APLNR: variants seen among roughly 807,000 people sequenced by gnomAD.
The protein encoded by APLNR is APJ (apelin) receptor.
In APLNR, 13 loss-of-function variants were observed where a neutral mutation model predicts 23.4. The ratio of observed to expected loss-of-function variants is 0.56; its 90% confidence interval spans 0.36 to 0.88. The LOEUF (loss-of-function observed/expected upper bound fraction) is 0.88. Ranked by LOEUF, APLNR falls within the 40% of genes least tolerant of loss-of-function variation. APLNR has a pLI of 0.01. For synonymous variants in APLNR, 234 were observed against 211.9 expected (o/e 1.10, Z -0.91); for missense variants, 480 against 517.1 (o/e 0.93, Z 0.70).
In APLNR at chr11:57,234,949, C is replaced by T. The variant is rs567175196; in HGVS notation, c.*913G>A. 6.6e-6 allele frequency: 1 copy of T among 152,314 alleles called. No homozygotes were observed. Among genetic ancestry groups the T allele is most frequent in the South Asian group, 2.1e-4 (1 of 4,828 alleles). 9.4% of individuals were successfully genotyped at this position (152,314 alleles called of 1,614,324 possible). On this transcript the variant is annotated 3_prime_UTR_variant, in exon 1 of 1. Coordinates refer to ENST00000606794, the MANE Select transcript of APLNR (RefSeq NM_005161.6). ...GTGTCTGGACTAAATGCAGACACCC[C>T]TCCATCCTCTCTCTCTAGTTGCCCT...
Position 57,236,089 on chromosome 11 carries a change from G to A in APLNR, c.916C>T (p.Pro306Ser), listed in dbSNP as rs749336314. ...CISYVNSCLNPFLYAFFDPRF... is the reference protein window; with the variant it reads ...CISYVNSCLNSFLYAFFDPRF... ...GGGTCGAAAAAGGCATAGAGGAAGG[G>A]GTTGAGGCAGCTGTTGACGTAGCTG... The change falls in exon 1 of 1, where the codon CCC becomes TCC. Residue 306 changes from proline to serine, a missense_variant. By Grantham distance (74) the Pro-to-Ser change is moderately conservative. Coordinates refer to ENST00000606794, the MANE Select transcript of APLNR (RefSeq NM_005161.6). 1.9e-6 allele frequency: 3 copies of A among 1,614,124 alleles called. No individual in the cohort carries two copies. Among genetic ancestry groups the A allele is most frequent in the African/African-American group, 1.3e-5 (1 of 74,948 alleles).
In APLNR at chr11:57,236,106, A is replaced by G; in HGVS notation, c.899T>C (p.Val300Ala). ...IFPYCTCISYVNSCLNPFLYA... is the reference protein window; with the variant it reads ...IFPYCTCISYANSCLNPFLYA... ...GAGGAAGGGGTTGAGGCAGCTGTTGACGTAGCTGATGCAGGTGCAGTAGGG... is the reference window on the plus strand; with the variant it reads ...GAGGAAGGGGTTGAGGCAGCTGTTGGCGTAGCTGATGCAGGTGCAGTAGGG... Residue 300 changes from valine to alanine, a missense_variant, in exon 1 of 1, where the codon GTC becomes GCC. Val to Ala is a moderately conservative substitution (Grantham distance 64). Transcript: ENST00000606794. 1 of 1,614,176 alleles carries G rather than the reference A, an allele frequency of 6.2e-7. No homozygotes were observed. The highest frequency in any genetic ancestry group is 8.5e-7 in the Non-Finnish European group (1 of 1,180,024).
Position 57,237,221 on chromosome 11 carries a change from C to T in APLNR, c.-217G>A. The T allele has an allele frequency of 3.6e-6, 2 of 558,744 alleles. No individual in the cohort carries two copies. Among genetic ancestry groups the T allele is most frequent in the Non-Finnish European group, 6.4e-6 (2 of 312,238 alleles). The allele number at this position is 558,744 out of a possible 1,614,324, so 34.6% of individuals were successfully genotyped here. ...TCTCCTGCAGAATTTCCTCCACCCTCTCTTGCCTTACCCCCGTCTCAGTTA... is the reference window on the plus strand; with the variant it reads ...TCTCCTGCAGAATTTCCTCCACCCTTTCTTGCCTTACCCCCGTCTCAGTTA... On this transcript the variant is annotated 5_prime_UTR_variant, in exon 1 of 1. Coordinates refer to ENST00000606794, the MANE Select transcript of APLNR (RefSeq NM_005161.6).
In APLNR at chr11:57,236,359, T is replaced by C. The variant is rs1354695548; in HGVS notation, c.646A>G (p.Ile216Val). Reference sequence around the variant, plus strand: ...ATGAAGAAGTAACAGGTCAGCATGATGGTGAAGGGCACCACAAAGCCCACG... The same window carrying C: ...ATGAAGAAGTAACAGGTCAGCATGACGGTGAAGGGCACCACAAAGCCCACG... Reference protein sequence around the residue: ...TTVGFVVPFTIMLTCYFFIAQ... With the variant: ...TTVGFVVPFTVMLTCYFFIAQ... The change falls in exon 1 of 1, where the codon ATC (isoleucine) becomes GTC (valine). Residue 216 changes from isoleucine to valine, a missense_variant. Transcript: ENST00000606794. The C allele has an allele frequency of 5.0e-6, 8 of 1,614,096 alleles. No homozygotes were observed. The highest frequency in any genetic ancestry group is 5.9e-6 in the Non-Finnish European group (7 of 1,180,000).
Position 57,237,185 on chromosome 11 carries a change from G to A in APLNR, c.-181C>T, listed in dbSNP as rs78133850. ...CTGCCTCTGGGTTCTCCAGACCCTG[G>A]AGGAAGCCTGTCTCCTGCAGAATTT... On this transcript the variant is annotated 5_prime_UTR_variant, in exon 1 of 1. Coordinates refer to ENST00000606794, the MANE Select transcript of APLNR (RefSeq NM_005161.6). 5.1e-3 allele frequency: 3,149 copies of A among 619,694 alleles called. 87 individuals carry two copies. In the African/African-American group the frequency reaches 0.052, roughly 10 times the overall value. The allele number at this position is 619,694 out of a possible 1,614,324, so 38.4% of individuals were successfully genotyped here. A position where few individuals can be genotyped will look rare whatever the true frequency, so the allele number is the denominator to read the frequency against.
In APLNR at chr11:57,235,911, A is replaced by T. The variant is rs1359961228; in HGVS notation, c.1094T>A (p.Met365Lys). 1.9e-6 allele frequency: 3 copies of T among 1,613,990 alleles called. No individual in the cohort carries two copies. The highest frequency in any genetic ancestry group is 2.2e-5 in the South Asian group (2 of 91,036). Residue 365 changes from methionine to lysine, a missense_variant, in exon 1 of 1, where the codon ATG becomes AAG. By Grantham distance (95) the Met-to-Lys change is moderately conservative. Transcript: ENST00000606794. ...GCTGTAGGGGATGGATTTCTCGTGCATCTGTTCTCCACCCTTGCCCATGTT... is the reference window on the plus strand; with the variant it reads ...GCTGTAGGGGATGGATTTCTCGTGCTTCTGTTCTCCACCCTTGCCCATGTT... ...GPNMGKGGEQ[M>K]HEKSIPYSQE...
Position 57,236,536 on chromosome 11 carries a change from C to T in APLNR, c.469G>A (p.Ala157Thr). Reference sequence around the variant, plus strand: ...ATGACAGGCATGGCCAGGAGGGCGGCCAGCACCCAAAGAACTGCCGTGGCC... The same window carrying T: ...ATGACAGGCATGGCCAGGAGGGCGGTCAGCACCCAAAGAACTGCCGTGGCC... ...AVATAVLWVL[A>T]ALLAMPVMVL... The change falls in exon 1 of 1, where the codon GCC (alanine) becomes ACC (threonine). Residue 157 changes from alanine (A) to threonine (T), a missense_variant. Transcript: ENST00000606794. 6.2e-7 allele frequency: 1 copy of T among 1,614,064 alleles called. No individual in the cohort carries two copies. The highest frequency in any genetic ancestry group is 1.3e-5 in the African/African-American group (1 of 75,052).
At position 57,237,223 on chromosome 11, in the gene APLNR, C is replaced by G. The variant is rs903871326; in HGVS notation, c.-219G>C. On this transcript the variant is annotated 5_prime_UTR_variant, in exon 1 of 1. Coordinates refer to ENST00000606794, the MANE Select transcript of APLNR (RefSeq NM_005161.6). ...TCCTGCAGAATTTCCTCCACCCTCT[C>G]TTGCCTTACCCCCGTCTCAGTTAAG... 3.6e-6 allele frequency: 2 copies of G among 555,846 alleles called. No individual in the cohort carries two copies. The highest frequency in any genetic ancestry group is 6.4e-6 in the Non-Finnish European group (2 of 310,118). The allele number at this position is 555,846 out of a possible 1,614,324, so 34.4% of individuals were successfully genotyped here. A position where few individuals can be genotyped will look rare whatever the true frequency, so the allele number is the denominator to read the frequency against.
Position 57,235,529 on chromosome 11 carries a change from C to G in APLNR, c.*333G>C. The G allele has an allele frequency of 4.7e-6, 1 of 214,468 alleles. No homozygotes were observed. Among genetic ancestry groups the G allele is most frequent in the Non-Finnish European group, 9.1e-6 (1 of 109,552 alleles). The allele number at this position is 214,468 out of a possible 1,614,324, so 13.3% of individuals were successfully genotyped here. On this transcript the variant is annotated 3_prime_UTR_variant, in exon 1 of 1. Transcript: ENST00000606794. ...GACGATTGCAGATCTAAGAAAGCAG[C>G]AGAGGGAAACAAGCTTTTACTGCGT... is the stretch of plus-strand genomic sequence containing the variant.
At position 57,235,763 on chromosome 11, in the gene APLNR, G is replaced by A; in HGVS notation, c.*99C>T. On this transcript the variant is annotated 3_prime_UTR_variant, in exon 1 of 1. Coordinates refer to ENST00000606794, the MANE Select transcript of APLNR (RefSeq NM_005161.6). Reference sequence around the variant, plus strand: ...CAGAATCAGGGGACAGTTAAAGGATGTGCATAGGACAAGGAGTAGCCACAC... The same window carrying A: ...CAGAATCAGGGGACAGTTAAAGGATATGCATAGGACAAGGAGTAGCCACAC... 2 of 1,332,734 alleles carry A rather than the reference G, an allele frequency of 1.5e-6. No homozygotes were observed. Among genetic ancestry groups the A allele is most frequent in the Admixed American group, 2.3e-5 (1 of 43,690 alleles). 82.6% of individuals were successfully genotyped at this position (1,332,734 alleles called of 1,614,324 possible).
Position 57,235,751 on chromosome 11 carries a change from C to T in APLNR, c.*111G>A. The T allele has an allele frequency of 8.1e-7, 1 of 1,234,602 alleles. No homozygotes were observed. The highest frequency in any genetic ancestry group is 1.5e-5 in the African/African-American group (1 of 66,374). 76.5% of individuals were successfully genotyped at this position (1,234,602 alleles called of 1,614,324 possible). On this transcript the variant is annotated 3_prime_UTR_variant, in exon 1 of 1. Transcript: ENST00000606794. ...GACAGGGCGGGGCAGAATCAGGGGA[C>T]AGTTAAAGGATGTGCATAGGACAAG...
At position 57,236,494 on chromosome 11, in the gene APLNR, C is replaced by G. The variant is rs369317042; in HGVS notation, c.511G>C (p.Gly171Arg). ...ACCTTAGTGGTGTTCTCCAAGTCCC[C>G]GGTGGTGCGTAACACCATGACAGGC... ...AMPVMVLRTT[G>R]DLENTTKVQC... The change falls in exon 1 of 1, where the codon GGG becomes CGG. Residue 171 changes from glycine (G) to arginine (R), a missense_variant. Physicochemically the swap from Gly to Arg is moderately radical, Grantham distance 125. Transcript: ENST00000606794. 1.2e-6 allele frequency: 2 copies of G among 1,614,206 alleles called. No individual in the cohort carries two copies. The highest frequency in any genetic ancestry group is 1.7e-5 in the Admixed American group (1 of 60,030).
rs1204808603 is a variant in APLNR at position 57,234,912 on chromosome 11, G to A, written c.*950C>T. 1 of 152,192 alleles carries A rather than the reference G, an allele frequency of 6.6e-6. No individual in the cohort carries two copies. The highest frequency in any genetic ancestry group is 2.4e-5 in the African/African-American group (1 of 41,418). 9.4% of individuals were successfully genotyped at this position (152,192 alleles called of 1,614,324 possible). A position where few individuals can be genotyped will look rare whatever the true frequency, so the allele number is the denominator to read the frequency against. On this transcript the variant is annotated 3_prime_UTR_variant, in exon 1 of 1. Coordinates refer to ENST00000606794, the MANE Select transcript of APLNR (RefSeq NM_005161.6). ...AGTCAGAAACAGGAGGACTCGGGGA[G>A]CGAGCCAAGCAGTGTCTGGACTAAA...
At position 57,235,733 on chromosome 11, in the gene APLNR, C is replaced by T. The variant is rs899085863; in HGVS notation, c.*129G>A. On this transcript the variant is annotated 3_prime_UTR_variant, in exon 1 of 1. Coordinates refer to ENST00000606794, the MANE Select transcript of APLNR (RefSeq NM_005161.6). ...AATAAAGCAGTAGAGGAGGACAGGG[C>T]GGGGCAGAATCAGGGGACAGTTAAA... 44 of 1,092,706 alleles carry T rather than the reference C, an allele frequency of 4.0e-5. No homozygotes were observed. Among genetic ancestry groups the T allele is most frequent in the African/African-American group, 2.5e-4 (16 of 63,706 alleles). The allele number at this position is 1,092,706 out of a possible 1,614,324, so 67.7% of individuals were successfully genotyped here. A position where few individuals can be genotyped will look rare whatever the true frequency, so the allele number is the denominator to read the frequency against.
Position 57,236,841 on chromosome 11 carries a change from C to T in APLNR, c.164G>A (p.Arg55Gln), listed in dbSNP as rs745691280. ...TGAGCGCCTCTTCTCCCGGCTGCTC[C>T]GAAACACGGTCCAGAGCACCAGACC... ...GNGLVLWTVF[R>Q]SSREKRRSAD... Residue 55 changes from arginine to glutamine, a missense_variant, in exon 1 of 1, where the codon CGG becomes CAG. Physicochemically the swap from Arg to Gln is conservative, Grantham distance 43 (BLOSUM62 1). Transcript: ENST00000606794. 35 of 1,614,098 alleles carry T rather than the reference C, an allele frequency of 2.2e-5. No homozygotes were observed. The highest frequency in any genetic ancestry group is 2.0e-4 in the South Asian group (18 of 91,082).
Position 57,237,117 on chromosome 11 carries a change from A to G in APLNR, c.-113T>C. 2 of 1,146,536 alleles carry G rather than the reference A, an allele frequency of 1.7e-6. No individual in the cohort carries two copies. The highest frequency in any genetic ancestry group is 2.5e-6 in the Non-Finnish European group (2 of 815,036). 71.0% of individuals were successfully genotyped at this position (1,146,536 alleles called of 1,614,324 possible). ...CTGGCTTGAGCCTCAGAGAGTAAGA[A>G]GGGCTGAAGATGCCCAGAGTCCTTC... is the stretch of plus-strand genomic sequence containing the variant. On this transcript the variant is annotated 5_prime_UTR_variant, in exon 1 of 1. Transcript: ENST00000606794.
rs1004520299 is a variant in APLNR, at chr11:57,235,703, G to C, written c.*159C>G. On this transcript the variant is annotated 3_prime_UTR_variant, in exon 1 of 1. Transcript: ENST00000606794. ...TTTCCCCTAAACCACAAACCTCTGA[G>C]AAAGAATAAAGCAGTAGAGGAGGAC... 95 of 864,716 alleles carry C rather than the reference G, an allele frequency of 1.1e-4. No individual in the cohort carries two copies. The highest frequency in any genetic ancestry group is 1.6e-4 in the Non-Finnish European group (91 of 581,486). 53.6% of individuals were successfully genotyped at this position (864,716 alleles called of 1,614,324 possible).
At position 57,235,553 on chromosome 11, in the gene APLNR, G is replaced by A. The variant is rs745562657; in HGVS notation, c.*309C>T. Reference sequence around the variant, plus strand: ...GCAGAGGGAAACAAGCTTTTACTGCGTCCAGACTCAGGCTTCAACATTTTA... The same window carrying A: ...GCAGAGGGAAACAAGCTTTTACTGCATCCAGACTCAGGCTTCAACATTTTA... On this transcript the variant is annotated 3_prime_UTR_variant, in exon 1 of 1. Coordinates refer to ENST00000606794, the MANE Select transcript of APLNR (RefSeq NM_005161.6). The A allele has an allele frequency of 1.1e-4, 31 of 271,768 alleles. 1 individual carries two copies. The highest frequency in any genetic ancestry group is 4.5e-4 in the South Asian group (4 of 8,854). The allele number at this position is 271,768 out of a possible 1,614,324, so 16.8% of individuals were successfully genotyped here. A position where few individuals can be genotyped will look rare whatever the true frequency, so the allele number is the denominator to read the frequency against.
In APLNR at chr11:57,234,308, G is replaced by A. The variant is rs867468483; in HGVS notation, c.*1554C>T. Reference sequence around the variant, plus strand: ...CACTGACCCTGGAACAAGAAAGGACGATGAGGGCAATGCTCATAAATTTGA... The same window carrying A: ...CACTGACCCTGGAACAAGAAAGGACAATGAGGGCAATGCTCATAAATTTGA... On this transcript the variant is annotated 3_prime_UTR_variant, in exon 1 of 1. Transcript: ENST00000606794. 2 of 152,374 alleles carry A rather than the reference G, an allele frequency of 1.3e-5. No homozygotes were observed. Among genetic ancestry groups the A allele is most frequent in the East Asian group, 3.9e-4 (2 of 5,170 alleles). 9.4% of individuals were successfully genotyped at this position (152,374 alleles called of 1,614,324 possible). A position where few individuals can be genotyped will look rare whatever the true frequency, so the allele number is the denominator to read the frequency against.
Sources: gnomAD v4.1 joint callset for allele counts on GRCh38, gnomAD v4.1.1 for gene constraint, MANE v1.5 for transcripts, NCBI Gene and HGNC (gene_info 2026-07-23, HGNC 2026-07-21) for gene names.